ABCB1: variants seen among roughly 807,000 people sequenced by gnomAD.
ABCB1 encodes ATP binding cassette subfamily B member 1.
A neutral mutation model predicts 142.0 loss-of-function variants in ABCB1; 69 were observed. The ratio of observed to expected loss-of-function variants is 0.49; its 90% CI spans 0.40 to 0.59. The LOEUF (loss-of-function observed/expected upper bound fraction) is 0.59. Among genes scored for constraint, ABCB1 ranks in the 20% least tolerant of loss-of-function variants. The pLI, the probability that ABCB1 is intolerant of heterozygous loss-of-function variation, is 0.00. For synonymous variants in ABCB1, 532 were observed against 539.2 expected (o/e 0.99, Z 0.18); for missense variants, 1,326 against 1,554.7 (o/e 0.85, Z 2.47).
In ABCB1 at chr7:87,631,712, C is replaced by G. The variant is rs544117649; in HGVS notation, c.-330-30634G>C. Among the ~76,000 whole-genome samples, 3 of 152,212 alleles carry G rather than the reference C, an allele frequency of 2.0e-5. No homozygotes were observed. The East Asian group carries it at 5.8e-4, about 29-fold the overall frequency. ...GCCCGGCCTCTTTATTTTTATATCT[C>G]AAATCAGAGATGATTTGATATTTAA... On this transcript the variant is annotated intron_variant, in intron 1 of 28. Transcript: ENST00000265724.
intron 3 of ABCB1, among the ~76,000 whole-genome samples, chr7:87,585,943 G>A (rs980458806): frequency 6.6e-6 from 1 of 152,158 alleles, no homozygotes; most frequent in Non-Finnish European, 1.5e-5. Context: ...TGAGAAGGAT[G>A]GGACATTCTG....
chr7:87,709,341 T>G, intron 1 of ABCB1: 1 of 985,322 alleles, frequency 1.0e-6, no homozygotes, highest in Non-Finnish European at 1.2e-6. Flanking sequence ...TTTCTGTGTC[T>G]TTTAGATGAA....
Position 87,539,295 on chromosome 7 carries a change from G to C in ABCB1, c.2370C>G (p.Tyr790Ter). 6.2e-7 allele frequency: 1 copy of C among 1,614,178 alleles called. No homozygotes were observed. Among genetic ancestry groups the C allele is most frequent in the Non-Finnish European group, 8.5e-7 (1 of 1,179,996 alleles). ...GTCTGAGCATGGATCGGAAAACCAT[G>C]TATCGGAGCCGCTTGGTGAGGATCT... ...AGEILTKRLRYMVFRSMLRQD... is the reference protein window; with the variant it reads ...AGEILTKRLR The change falls in exon 19 of 28, where the codon TAC (tyrosine) becomes TAG (stop). Residue 790 changes from tyrosine (Y) to a stop codon, truncating the protein, a stop_gained. Transcript: ENST00000622132. LOFTEE classifies it high-confidence loss of function.
intron 3 of ABCB1, among the ~76,000 whole-genome samples, chr7:87,591,213 C>G (rs1358050239): frequency 6.6e-6 from 1 of 152,074 alleles, no homozygotes; most frequent in Non-Finnish European, 1.5e-5. Flanking sequence ...TGCAAGTGTC[C>G]TCTAGAAGCT....
At chr7:87,681,427 A>C (rs957179374) in intron 1 of ABCB1, among the ~76,000 whole-genome samples, 1 of 150,822 alleles carries the variant, frequency 6.6e-6, no homozygotes, top group African/African-American at 2.5e-5. Flanking sequence ...AGACTAATTC[A>C]ATAAAGTAAA....
At chr7:87,617,365 C>T (rs1383965975) in intron 1 of ABCB1, among the ~76,000 whole-genome samples, 1 of 152,142 alleles carries the variant, frequency 6.6e-6, no homozygotes, top group African/African-American at 2.4e-5. Context: ...TGTCAAGGAT[C>T]CCCATATATT....
chr7:87,648,341 T>C, intron 1 of ABCB1, among the ~76,000 whole-genome samples: 1 of 152,006 alleles, frequency 6.6e-6, no homozygotes, highest in African/African-American at 2.4e-5. Context: ...CAAAGGAACT[T>C]AGTGGAGGCA....
chr7:87,569,660 T>C (rs1346506416), intron 5 of ABCB1, among the ~76,000 whole-genome samples: 3 of 152,116 alleles, frequency 2.0e-5, no homozygotes, highest in Non-Finnish European at 4.4e-5. Context: ...TATAAGCCAT[T>C]GAAAATAATT....
intron 1 of ABCB1, among the ~76,000 whole-genome samples, chr7:87,670,518 G>C (rs1161530275): frequency 1.3e-5 from 2 of 152,124 alleles, no homozygotes; most frequent in Non-Finnish European, 2.9e-5. Context: ...TTGGGGAATG[G>C]GTGTGGTCAT....
intron 1 of ABCB1, among the ~76,000 whole-genome samples, chr7:87,615,106 G>A (rs535085646): frequency 6.6e-6 from 1 of 152,134 alleles, no homozygotes; most frequent in East Asian, 1.9e-4. Flanking sequence ...CAAAGTGATG[G>A]AATTACAGGT....
chr7:87,695,862 T>C lies in ABCB1; in HGVS notation c.-331+17299A>G, dbSNP rs149949607. Among the ~76,000 whole-genome samples the C allele has an allele frequency of 4.9e-3, 738 of 152,154 alleles. 4 individuals are homozygous for C. The highest frequency in any genetic ancestry group is 0.017 in the African/African-American group (698 of 41,536). Reference sequence around the variant, plus strand: ...ACATATTGCAAAGTGTAAATAGATATCTCACTTAAAGAGTATAGAAGAGTA... The same window carrying C: ...ACATATTGCAAAGTGTAAATAGATACCTCACTTAAAGAGTATAGAAGAGTA... On this transcript the variant is annotated intron_variant, in intron 1 of 28. Transcript: ENST00000265724.
At position 87,541,791 on chromosome 7, in the gene ABCB1, AG is replaced by A. The variant is rs572240288; in HGVS notation, c.2212-328del. Among the ~76,000 whole-genome samples the A allele has an allele frequency of 1.8e-4, 27 of 152,344 alleles. No individual in the cohort carries two copies. The East Asian group carries it at 5.2e-3, about 29-fold the overall frequency. On this transcript the variant is annotated intron_variant, in intron 17 of 27. Transcript: ENST00000622132. ...CTTGGTGGGGAACTACATTTATGGCAGTTCATTGCTTTACTATTTGGACATT... is the reference window on the plus strand; with the variant it reads ...CTTGGTGGGGAACTACATTTATGGCATTCATTGCTTTACTATTTGGACATT...
intron 1 of ABCB1, among the ~76,000 whole-genome samples, chr7:87,702,841 C>T (rs945011129): frequency 1.3e-5 from 2 of 152,000 alleles, no homozygotes; most frequent in Non-Finnish European, 2.9e-5. Flanking sequence ...TGCAAATATT[C>T]CAAAATCAGA....
chr7:87,707,109 T>A (rs1829666895), intron 1 of ABCB1, among the ~76,000 whole-genome samples: 2 of 152,104 alleles, frequency 1.3e-5, no homozygotes, highest in African/African-American at 2.4e-5. Context: ...TCTGACTGAC[T>A]GCCAAAAGAA....
chr7:87,585,617 G>C lies in ABCB1; in HGVS notation c.181C>G (p.His61Asp). The C allele has an allele frequency of 1.2e-6, 2 of 1,613,964 alleles. No homozygotes were observed. Among genetic ancestry groups the C allele is most frequent in the Non-Finnish European group, 1.7e-6 (2 of 1,179,912 alleles). Residue 61 changes from histidine (H) to aspartate (D), a missense_variant, in exon 4 of 28, where the codon CAT becomes GAT. By Grantham distance (81) the His-to-Asp change is moderately conservative (BLOSUM62 -1). Coordinates refer to ENST00000622132, the MANE Select transcript of ABCB1 (RefSeq NM_001348946.2). Reference protein sequence around the residue: ...MVVGTLAAIIHGAGLPLMMLV... With the variant: ...MVVGTLAAIIDGAGLPLMMLV... ...ATCATGAGAGGAAGTCCAGCCCCATGGATGATGGCAGCCAAAGTTCCCACC... is the reference window on the plus strand; with the variant it reads ...ATCATGAGAGGAAGTCCAGCCCCATCGATGATGGCAGCCAAAGTTCCCACC...
chr7:87,681,004 A>G lies in ABCB1; in HGVS notation c.-331+32157T>C, dbSNP rs141284911. ...TGGTTAGGCTGATCAAGAAAATGAG[A>G]AAGGATACAAATTTCCAATATCAGG... is the stretch of plus-strand genomic sequence containing the variant. On this transcript the variant is annotated intron_variant, in intron 1 of 28. Transcript: ENST00000265724. 2.2e-3 allele frequency among the ~76,000 whole-genome samples: 328 copies of G among 150,624 alleles called. 34 individuals are homozygous for G. Among genetic ancestry groups the G allele is most frequent in the African/African-American group, 7.3e-3 (299 of 40,684 alleles).
chr7:87,675,653 C>CAAAAAA (rs200136132), intron 1 of ABCB1, among the ~76,000 whole-genome samples: 746 of 65,690 alleles, frequency 0.011, 4 homozygotes, highest in African/African-American at 0.04. Flanking sequence ...TATTCACATG[C>CAAAAAA]AAAAAAAAAA....
intron 13 of ABCB1, 35 bp from the exon 14 acceptor site, chr7:87,549,553 G>A (rs750419152): frequency 6.2e-7 from 1 of 1,614,038 alleles, no homozygotes; most frequent in Non-Finnish European, 8.5e-7. Context: ...TTAGCATAAG[G>A]ACAAGCTATC....
intron 8 of ABCB1, among the ~76,000 whole-genome samples, chr7:87,558,270 G>A (rs911086926): frequency 1.3e-5 from 2 of 152,210 alleles, no homozygotes; most frequent in African/African-American, 4.8e-5. Flanking sequence ...GGCACTGACT[G>A]TTAGGTTTAT....
Sources: allele counts gnomAD v4.1 joint callset (sites outside exome capture counted in the v4.1 genomes callset), GRCh38; gene constraint gnomAD v4.1.1; transcripts MANE v1.5; gene names NCBI Gene and HGNC (gene_info 2026-07-23, HGNC 2026-07-21).